Variants in WASL observed in about 807,000 individuals in gnomAD.
The protein encoded by WASL is actin nucleation-promoting factor WASL.
Under a neutral mutation model 55.5 loss-of-function variants are expected in WASL, and 20 were observed. The ratio of observed to expected loss-of-function variants is 0.36; its 90% CI spans 0.25 to 0.52. WASL has a LOEUF of 0.52. Among genes scored for constraint, WASL ranks in the 20% least tolerant of loss-of-function variants. WASL has a pLI of 0.92. For missense variants in WASL, 504 were observed against 622.5 expected (o/e 0.81, Z 2.03); for synonymous variants, 249 against 217.6 (o/e 1.14, Z -1.27).
intron 2 of WASL, among the ~76,000 whole-genome samples, chr7:123,708,419 C>T (rs1281093786): frequency 6.6e-6 from 1 of 152,078 alleles, no homozygotes; most frequent in Non-Finnish European, 1.5e-5. Flanking sequence ...CTTATTGCCA[C>T]ATATAAATAT....
Position 123,684,507 on chromosome 7 carries a change from A to G in WASL, c.*12T>C. ...TCACCTTAAAAATATATATATATAT[A>G]TAATATATAGATCAGTCTTCCCACT... On this transcript the variant is annotated 3_prime_UTR_variant, in exon 11 of 11. Coordinates refer to ENST00000223023, the MANE Select transcript of WASL (RefSeq NM_003941.4). 1.5e-6 allele frequency: 1 copy of G among 671,048 alleles called. No homozygotes were observed. Among genetic ancestry groups the G allele is most frequent in the Non-Finnish European group, 2.5e-6 (1 of 405,358 alleles). The allele number at this position is 671,048 out of a possible 1,614,324, so 41.6% of individuals were successfully genotyped here. A position where few individuals can be genotyped will look rare whatever the true frequency, so the allele number is the denominator to read the frequency against.
intron 5 of WASL, 28 bp downstream of exon 5, chr7:123,704,606 A>C (rs1803638851): frequency 6.7e-7 from 1 of 1,501,140 alleles, no homozygotes; most frequent in Admixed American, 1.9e-5. Flanking sequence ...TAAAATCTTA[A>C]AAGATTAATA....
At chr7:123,696,371 T>C (rs1175755788) in intron 6 of WASL, among the ~76,000 whole-genome samples, 2 of 142,458 alleles carry the variant, frequency 1.4e-5, no homozygotes, top group African/African-American at 5.2e-5. Context: ...AAAAAGTAAA[T>C]AAACCATAAG....
At chr7:123,748,460 G>C (rs1479810447) in intron 1 of WASL, among the ~76,000 whole-genome samples, 158 bp downstream of exon 1, 1 of 151,918 alleles carries the variant, frequency 6.6e-6, no homozygotes, top group African/African-American at 2.4e-5. Context: ...CCTGGGAGCA[G>C]GGCGAGGGCG....
chr7:123,702,117 T>G (rs984210180), intron 5 of WASL, among the ~76,000 whole-genome samples: 1 of 151,690 alleles, frequency 6.6e-6, no homozygotes, highest in African/African-American at 2.4e-5. Context: ...TGCAATGGTG[T>G]GATCTCGGCT....
chr7:123,689,793 ATTAT>A (rs1241685440), intron 9 of WASL, among the ~76,000 whole-genome samples: 45 of 117,826 alleles, frequency 3.8e-4, no homozygotes, highest in South Asian at 3.6e-3. Flanking sequence ...GAAAAAAAAA[ATTAT>A]AATTAAAGAT....
Position 123,692,735 on chromosome 7 carries a change from G to C in WASL, c.959C>G (p.Ala320Gly). ...PPPPPSRAPT[A>G]APPPPPPSRP... ...GGAAGGAGGCGGTGGTGGAGGTGCA[G>C]CTGTGGGAGCTCTTGAAGGTGGTGG... The change falls in exon 9 of 11, where the codon GCT becomes GGT. Residue 320 changes from alanine (A) to glycine (G), a missense_variant. Ala to Gly is a moderately conservative substitution (Grantham distance 60). Transcript: ENST00000223023. The C allele has an allele frequency of 2.0e-6, 3 of 1,511,546 alleles. No individual in the cohort carries two copies. The highest frequency in any genetic ancestry group is 2.6e-6 in the Non-Finnish European group (3 of 1,132,276). The allele number at this position is 1,511,546 out of a possible 1,614,324, so 93.6% of individuals were successfully genotyped here. A position where few individuals can be genotyped will look rare whatever the true frequency, so the allele number is the denominator to read the frequency against.
At chr7:123,710,390 G>A (rs908760168) in intron 1 of WASL, among the ~76,000 whole-genome samples, 24 of 151,662 alleles carry the variant, frequency 1.6e-4, no homozygotes, top group African/African-American at 4.4e-4. Context: ...TTAGTTCAAC[G>A]GAATTTGGGC....
At chr7:123,728,615 G>A (rs1301706611) in intron 1 of WASL, among the ~76,000 whole-genome samples, 1 of 152,154 alleles carries the variant, frequency 6.6e-6, no homozygotes, top group Non-Finnish European at 1.5e-5. Flanking sequence ...GCCGAGGCAG[G>A]CAGATCACGA....
intron 9 of WASL, among the ~76,000 whole-genome samples, 183 bp from the exon 10 acceptor site, chr7:123,689,333 T>C (rs916241496): frequency 7.9e-5 from 12 of 152,202 alleles, no homozygotes; most frequent in African/African-American, 2.7e-4. Flanking sequence ...AAAGATATTA[T>C]TCAAAAATAT....
chr7:123,745,666 TC>T (rs1404223056), intron 1 of WASL, among the ~76,000 whole-genome samples: 4 of 152,114 alleles, frequency 2.6e-5, no homozygotes, highest in Non-Finnish European at 5.9e-5. Flanking sequence ...AAGCTTCACC[TC>T]AGATCCAGTG....
intron 7 of WASL, 60 bp from the exon 8 acceptor site, chr7:123,694,928 T>TAA: frequency 6.5e-7 from 1 of 1,535,282 alleles, no homozygotes; most frequent in South Asian, 1.2e-5. Context: ...AACATAATTT[T>TAA]AAGTCTCATC....
intron 1 of WASL, among the ~76,000 whole-genome samples, chr7:123,711,574 A>G (rs1803758623): frequency 6.6e-6 from 1 of 152,192 alleles, no homozygotes; most frequent in Non-Finnish European, 1.5e-5. Flanking sequence ...AGCCTTTTCT[A>G]ATTCAGAATA....
rs572049530 is a variant in WASL at position 123,684,091 on chromosome 7, T to C, written c.*428A>G. On this transcript the variant is annotated 3_prime_UTR_variant, in exon 11 of 11. Coordinates refer to ENST00000223023, the MANE Select transcript of WASL (RefSeq NM_003941.4). The stretch of plus-strand genomic sequence containing the variant: ...AATAAAGGGGCTAAAGAAACTAAGG[T>C]CTGCATCACTTAAAAAAGAATGTAG... 1 of 152,284 alleles carries C rather than the reference T, an allele frequency of 6.6e-6. No individual in the cohort carries two copies. The highest frequency in any genetic ancestry group is 1.9e-4 in the East Asian group (1 of 5,194). 9.4% of individuals were successfully genotyped at this position (152,284 alleles called of 1,614,324 possible).
chr7:123,696,653 G>A lies in WASL; in HGVS notation c.555C>T (p.Thr185=). ...TAGCTTTTCCCTTCTTCTTTTCTTTGGTATGGGAGATGTTGTTGACTTGTG... is the reference window on the plus strand; with the variant it reads ...TAGCTTTTCCCTTCTTCTTTTCTTTAGTATGGGAGATGTTGTTGACTTGTG... ...YGPQVNNISH[T]KEKKKGKAKK... is the part of the protein sequence containing the mutation. Residue 185 remains threonine (T), a synonymous_variant, in exon 6 of 11, where the codon ACC becomes ACT. Transcript: ENST00000223023. 1 of 1,605,054 alleles carries A rather than the reference G, an allele frequency of 6.2e-7. No homozygotes were observed. Among genetic ancestry groups the A allele is most frequent in the Non-Finnish European group, 8.5e-7 (1 of 1,175,380 alleles).
At chr7:123,687,691 TTTTC>T (rs1045602138) in intron 10 of WASL, among the ~76,000 whole-genome samples, 4 of 152,162 alleles carry the variant, frequency 2.6e-5, no homozygotes, top group Admixed American at 1.3e-4. Flanking sequence ...GTTTTTCTAG[TTTTC>T]TTTGTTTATT....
At chr7:123,738,544 C>A (rs779146136) in intron 1 of WASL, among the ~76,000 whole-genome samples, 16 of 152,212 alleles carry the variant, frequency 1.1e-4, no homozygotes, top group Non-Finnish European at 2.1e-4. Context: ...ATCCAGAATT[C>A]ACAAGCCAAT....
chr7:123,735,381 G>GGA (rs1804208452), intron 1 of WASL, among the ~76,000 whole-genome samples: 1 of 135,812 alleles, frequency 7.4e-6, no homozygotes, highest in Non-Finnish European at 1.6e-5. Flanking sequence ...AAAAATGCAG[G>GGA]AAAAAAAAAA....
intron 5 of WASL, among the ~76,000 whole-genome samples, chr7:123,700,202 AAAAAACAAC>A (rs1562959034): frequency 2.2e-4 from 17 of 77,524 alleles, no homozygotes; most frequent in African/African-American, 6.6e-4. Flanking sequence ...AAAAAAAAAA[AAAAAACAAC>A]ATTATTTAAG....
Sources: allele counts gnomAD v4.1 joint callset (sites outside exome capture counted in the v4.1 genomes callset), GRCh38; gene constraint gnomAD v4.1.1; transcripts MANE v1.5; gene names NCBI Gene and HGNC (gene_info 2026-07-23, HGNC 2026-07-21).